The following TPH2 variants were observed in gnomAD, a reference collection of about 807,000 sequenced individuals.
TPH2 encodes tryptophan hydroxylase 2, also known as tryptophan 5-hydroxylase 2.
In TPH2, 27 loss-of-function variants were observed where a neutral mutation model predicts 59.1. The ratio of observed to expected loss-of-function variants is 0.46; its 90% CI spans 0.34 to 0.63. TPH2 has a LOEUF of 0.63. TPH2 is among the 30% of genes least tolerant of loss of function. The pLI is 0.01. For synonymous variants in TPH2, 220 were observed against 210.5 expected, an observed-to-expected ratio of 1.05 and a Z score of -0.39; for missense variants, 523 against 588.3, an observed-to-expected ratio of 0.89 and a Z score of 1.15.
intron 8 of TPH2, among the ~76,000 whole-genome samples, chr12:71,999,636 C>T (rs933901052): frequency 2.0e-5 from 3 of 152,170 alleles, no homozygotes; most frequent in Non-Finnish European, 4.4e-5. Flanking sequence ...CTAGGTAGCA[C>T]ACGTGTGAAA....
intron 8 of TPH2, among the ~76,000 whole-genome samples, chr12:72,020,480 C>A (rs1873378934): frequency 6.6e-6 from 1 of 151,916 alleles, no homozygotes; most frequent in South Asian, 2.1e-4. Flanking sequence ...GTAGGAAGGG[C>A]TGTTATTTTA....
intron 5 of TPH2, chr12:71,962,572 T>C: frequency 1.0e-6 from 1 of 985,292 alleles, no homozygotes; most frequent in Non-Finnish European, 1.2e-6. Flanking sequence ...AATCTTTGCT[T>C]TTTGCATAGT....
intron 8 of TPH2, among the ~76,000 whole-genome samples, chr12:72,017,838 T>C (rs1873300746): frequency 6.6e-6 from 1 of 152,146 alleles, no homozygotes; most frequent in South Asian, 2.1e-4. Context: ...GGTCATCGAG[T>C]GCAACTCTAA....
intron 6 of TPH2, among the ~76,000 whole-genome samples, chr12:71,974,671 G>C (rs1872067526): frequency 6.6e-6 from 1 of 152,036 alleles, no homozygotes; most frequent in Non-Finnish European, 1.5e-5. Context: ...TAAGACATAG[G>C]CATCCTTGGG....
intron 9 of TPH2, among the ~76,000 whole-genome samples, chr12:72,028,788 G>A (rs1873638560): frequency 6.6e-6 from 1 of 152,178 alleles, no homozygotes; most frequent in Admixed American, 6.5e-5. Flanking sequence ...ACTCCTGAGG[G>A]TAGGCTGCGT....
intron 8 of TPH2, among the ~76,000 whole-genome samples, chr12:72,013,519 T>G (rs1873155323): frequency 6.6e-6 from 1 of 152,162 alleles, no homozygotes; most frequent in African/African-American, 2.4e-5. Context: ...TCCAATAACT[T>G]CTCTTCTTGC....
In TPH2 at chr12:71,944,614, G is replaced by A. The variant is rs1260117941; in HGVS notation, c.468G>A (p.Arg156=). The A allele has an allele frequency of 6.2e-7, 1 of 1,613,920 alleles. No individual in the cohort carries two copies. The highest frequency in any genetic ancestry group is 8.5e-7 in the Non-Finnish European group (1 of 1,179,832). The change falls in exon 4 of 11, where the codon CGG becomes CGA. Residue 156 remains arginine, a synonymous_variant. Coordinates refer to ENST00000333850, the MANE Select transcript of TPH2 (RefSeq NM_173353.4). ...EELEDVPWFP[R]KISELDKCSH... ...TAGAGGATGTGCCCTGGTTCCCTCGGAAGATCTCTGAGTTAGACAAATGCT... is the reference window on the plus strand; with the variant it reads ...TAGAGGATGTGCCCTGGTTCCCTCGAAAGATCTCTGAGTTAGACAAATGCT...
intron 7 of TPH2, among the ~76,000 whole-genome samples, chr12:71,993,417 G>C (rs1417076736): frequency 6.6e-6 from 1 of 152,118 alleles, no homozygotes; most frequent in Non-Finnish European, 1.5e-5. Context: ...AAATGTTCCT[G>C]CATCTCAATC....
rs186237935 is a variant in TPH2, at chr12:71,954,532, T to C, written c.608+4877T>C. Among the ~76,000 whole-genome samples, 221 of 152,246 alleles carry C rather than the reference T, an allele frequency of 1.5e-3. 1 individual carries two copies. Among genetic ancestry groups the C allele is most frequent in the African/African-American group, 5.1e-3 (210 of 41,554 alleles). On this transcript the variant is annotated intron_variant, in intron 5 of 10. Transcript: ENST00000333850. ...ATGATTAGATAATGTGATGTGCATA[T>C]AGACTTGCAGTTCAGAGGAAATGGA... is the stretch of plus-strand genomic sequence containing the variant.
At chr12:72,013,599 G>T (rs1452457249) in intron 8 of TPH2, among the ~76,000 whole-genome samples, 1 of 152,174 alleles carries the variant, frequency 6.6e-6, no homozygotes, top group Non-Finnish European at 1.5e-5. Context: ...TCCTGAGACA[G>T]ATAAGCAAAG....
rs79639879 is a variant in TPH2, at chr12:72,022,392, T to C, written c.1069-7T>C. On this transcript the variant is annotated splice_region_variant and splice_polypyrimidine_tract_variant and intron_variant, in intron 8 of 10. Transcript: ENST00000333850. ...AGTTCACTGAATATGTGTTCGTTTTTCTTCAGTGCTATTTCTTCACAATCG... is the reference window on the plus strand; with the variant it reads ...AGTTCACTGAATATGTGTTCGTTTTCCTTCAGTGCTATTTCTTCACAATCG... The C allele has an allele frequency of 6.2e-7, 1 of 1,612,414 alleles. No homozygotes were observed. The highest frequency in any genetic ancestry group is 1.7e-5 in the Admixed American group (1 of 59,986).
chr12:71,947,276 T>C (rs1008224384), intron 4 of TPH2, among the ~76,000 whole-genome samples: 3 of 152,116 alleles, frequency 2.0e-5, no homozygotes, highest in Non-Finnish European at 4.4e-5. Flanking sequence ...GTTTGATGTA[T>C]TATTTAAAGC....
intron 9 of TPH2, among the ~76,000 whole-genome samples, chr12:72,024,121 A>G (rs1290787331): frequency 6.6e-6 from 1 of 152,206 alleles, no homozygotes; most frequent in African/African-American, 2.4e-5. Flanking sequence ...TTTACAGTAC[A>G]TTTTAGTGCA....
At chr12:71,996,956 A>G (rs957750999) in intron 8 of TPH2, among the ~76,000 whole-genome samples, 1 of 150,382 alleles carries the variant, frequency 6.6e-6, no homozygotes, top group Non-Finnish European at 1.5e-5. Flanking sequence ...TTTTAAGAGG[A>G]TAGTTTGTAC....
chr12:71,974,454 T>A (rs1872059823), intron 6 of TPH2, among the ~76,000 whole-genome samples: 1 of 152,162 alleles, frequency 6.6e-6, no homozygotes, highest in South Asian at 2.1e-4. Context: ...GGACTCTTCT[T>A]TGCATCACTC....
intron 8 of TPH2, among the ~76,000 whole-genome samples, chr12:72,020,675 TG>T: frequency 6.6e-6 from 1 of 152,004 alleles, no homozygotes; most frequent in Non-Finnish European, 1.5e-5. Flanking sequence ...TTAGTAGAGA[TG>T]GGGTTTCACC....
intron 1 of TPH2, among the ~76,000 whole-genome samples, chr12:71,941,019 T>G (rs1392284981): frequency 6.6e-6 from 1 of 152,192 alleles, no homozygotes; most frequent in East Asian, 1.9e-4. Flanking sequence ...GCTGAACTTT[T>G]GCAGGCAGAT....
At chr12:71,984,875 G>A (rs1391638612) in intron 7 of TPH2, among the ~76,000 whole-genome samples, 2 of 152,156 alleles carry the variant, frequency 1.3e-5, no homozygotes, top group Non-Finnish European at 2.9e-5. Context: ...AGTCCGGTTT[G>A]GGCTATACCG....
Position 71,944,400 on chromosome 12 carries a change from AG to A in TPH2, c.363del (p.Glu121AspfsTer6). 6.2e-7 allele frequency: 1 copy of A among 1,613,988 alleles called. No individual in the cohort carries two copies. ...DCECGKTEFN[E>X]LIQLLKFQTT... ...GAGTGTGGGAAAACAGAATTCAATG[AG>A]CTCATTCAGTTGCTGAAATTTCAAA... On this transcript the variant is annotated frameshift_variant, in exon 3 of 11. Coordinates refer to ENST00000333850, the MANE Select transcript of TPH2 (RefSeq NM_173353.4). LOFTEE classifies it high-confidence loss of function.
Sources: gnomAD v4.1 joint callset for allele counts (sites outside exome capture counted in the v4.1 genomes callset) on GRCh38, gnomAD v4.1.1 for gene constraint, MANE v1.5 for transcripts, NCBI Gene and HGNC (gene_info 2026-07-23, HGNC 2026-07-21) for gene names.